The following CTNND2 variants were observed in gnomAD, a reference collection of about 807,000 sequenced individuals.
CTNND2 encodes catenin delta 2, also known as catenin delta-2.
A neutral mutation model predicts 144.4 loss-of-function variants in CTNND2; 22 were observed. The observed-to-expected ratio is 0.15, with a 90% CI of 0.11 to 0.22. The LOEUF (loss-of-function observed/expected upper bound fraction) is 0.22, where lower values mean the gene tolerates loss of function less well. CTNND2 is among the 10% of genes least tolerant of loss of function. CTNND2 has a pLI of 1.00. For missense variants in CTNND2, 1,353 were observed against 1,618.8 expected, an observed-to-expected ratio of 0.84 and a Z score of 2.82; for synonymous variants, 751 against 695.6, an observed-to-expected ratio of 1.08 and a Z score of -1.25.
intron 2 of CTNND2, among the ~76,000 whole-genome samples, chr5:11,625,387 A>G (rs746951673): frequency 1.0e-3 from 116 of 114,050 alleles, no homozygotes; most frequent in Non-Finnish European, 1.2e-3. Context: ...GCAAACAGAA[A>G]AATCTCTCTC....
At chr5:11,714,802 G>A (rs1963389) in intron 2 of CTNND2, among the ~76,000 whole-genome samples, 15,949 of 151,650 alleles carry the variant, frequency 0.11, 978 homozygotes, top group East Asian at 0.2. Flanking sequence ...CCAGCTACTC[G>A]GGAGGCTGAA....
chr5:11,879,624 C>A lies in CTNND2; in HGVS notation c.37+24193G>T, dbSNP rs75319809. ...TTGATAAGCTTTTGACATTCTTTTT[C>A]TCTTATACAAAAATCTCGTTTCTAT... On this transcript the variant is annotated intron_variant, in intron 1 of 21. Transcript: ENST00000304623. Among the ~76,000 whole-genome samples the A allele has an allele frequency of 6.7e-3, 1,013 of 151,946 alleles. 11 individuals carry two copies. The highest frequency in any genetic ancestry group is 0.023 in the African/African-American group (944 of 41,494).
chr5:11,112,702 C>T (rs1419997696), intron 13 of CTNND2, among the ~76,000 whole-genome samples: 7 of 152,180 alleles, frequency 4.6e-5, no homozygotes, highest in African/African-American at 9.7e-5. Flanking sequence ...TGGCACAGTG[C>T]GGAGCTCCAG....
intron 18 of CTNND2, among the ~76,000 whole-genome samples, chr5:11,003,543 GA>G (rs1740177540): frequency 6.6e-6 from 1 of 152,094 alleles, no homozygotes; most frequent in Admixed American, 6.5e-5. Flanking sequence ...CTTATTTCAA[GA>G]AAAGGTATTA....
At chr5:11,680,882 A>G (rs2126627354) in intron 2 of CTNND2, among the ~76,000 whole-genome samples, 1 of 152,294 alleles carries the variant, frequency 6.6e-6, no homozygotes, top group South Asian at 2.1e-4. Flanking sequence ...CCATTAGGTA[A>G]ATAGAGCTCC....
chr5:11,772,756 C>T (rs541644639), intron 1 of CTNND2, among the ~76,000 whole-genome samples: 30 of 152,242 alleles, frequency 2.0e-4, no homozygotes, highest in African/African-American at 6.3e-4. Context: ...GTTAAAGCCA[C>T]GGTGGGGGAG....
intron 10 of CTNND2, among the ~76,000 whole-genome samples, chr5:11,208,880 C>T (rs1738327094): frequency 6.6e-6 from 1 of 152,172 alleles, no homozygotes; most frequent in African/African-American, 2.4e-5. Flanking sequence ...CTTAGCATTG[C>T]TAAATTCTTC....
intron 11 of CTNND2, among the ~76,000 whole-genome samples, chr5:11,198,342 C>A (rs1188513319): frequency 6.6e-6 from 1 of 152,052 alleles, no homozygotes; most frequent in Non-Finnish European, 1.5e-5. Flanking sequence ...AAGAAAAAAA[C>A]CAATTTACAT....
intron 1 of CTNND2, among the ~76,000 whole-genome samples, chr5:11,777,394 A>G (rs1790316636): frequency 6.6e-6 from 1 of 152,348 alleles, no homozygotes; most frequent in South Asian, 2.1e-4. Flanking sequence ...TTAGTATTTC[A>G]TAAGTCAACA....
At position 11,000,293 on chromosome 5, in the gene CTNND2, C is replaced by T. The variant is rs1020143473; in HGVS notation, c.3085-7616G>A. Among the ~76,000 whole-genome samples the T allele has an allele frequency of 9.9e-5, 15 of 152,252 alleles. 1 individual carries two copies. The highest frequency in any genetic ancestry group is 8.5e-4 in the Admixed American group (13 of 15,296). On this transcript the variant is annotated intron_variant, in intron 18 of 21. Coordinates refer to ENST00000304623, the MANE Select transcript of CTNND2 (RefSeq NM_001332.4). ...ATCCCAGCACTTTGGGAGGCCGAGG[C>T]GGGCAGATCATGAGGTCAGGAGTTT...
intron 1 of CTNND2, among the ~76,000 whole-genome samples, chr5:11,768,964 G>C (rs1207041236): frequency 3.3e-5 from 5 of 152,118 alleles, no homozygotes; most frequent in African/African-American, 4.8e-5. Flanking sequence ...TTCTCATTAA[G>C]GGGAAAGAAG....
At chr5:11,630,202 T>A (rs1464169809) in intron 2 of CTNND2, among the ~76,000 whole-genome samples, 1 of 152,206 alleles carries the variant, frequency 6.6e-6, no homozygotes, top group East Asian at 1.9e-4. Context: ...TGTGCTACAC[T>A]TTATTCCTTG....
chr5:11,208,696 G>A (rs1049734213), intron 10 of CTNND2, among the ~76,000 whole-genome samples: 68 of 152,112 alleles, frequency 4.5e-4, no homozygotes, highest in African/African-American at 1.6e-3. Context: ...AAAAGCACTA[G>A]GGGGATCTAC....
At chr5:11,609,528 G>T (rs1475645016) in intron 2 of CTNND2, among the ~76,000 whole-genome samples, 2 of 152,122 alleles carry the variant, frequency 1.3e-5, no homozygotes, top group African/African-American at 4.8e-5. Context: ...CTCTCATGGA[G>T]AGAATGATAT....
At chr5:11,153,801 G>A (rs1056654258) in intron 12 of CTNND2, among the ~76,000 whole-genome samples, 2 of 152,046 alleles carry the variant, frequency 1.3e-5, no homozygotes, top group East Asian at 1.9e-4. Flanking sequence ...ATAAATAAAC[G>A]ACTCAGCGGC....
chr5:11,517,434 A>G (rs540860015), intron 3 of CTNND2, among the ~76,000 whole-genome samples: 2 of 152,348 alleles, frequency 1.3e-5, no homozygotes, highest in East Asian at 1.9e-4. Flanking sequence ...TCTGCTACTT[A>G]AGTAATTTTT....
At chr5:11,742,395 A>G (rs1049429884) in intron 1 of CTNND2, among the ~76,000 whole-genome samples, 2 of 152,084 alleles carry the variant, frequency 1.3e-5, no homozygotes, top group South Asian at 4.1e-4. Flanking sequence ...AACTACCTTG[A>G]CTTCCTGCCC....
At chr5:11,703,848 C>T (rs1785567723) in intron 2 of CTNND2, among the ~76,000 whole-genome samples, 1 of 152,168 alleles carries the variant, frequency 6.6e-6, no homozygotes, top group African/African-American at 2.4e-5. Context: ...ACCCCCGTAT[C>T]TCTGATCAGA....
At chr5:11,669,265 C>G (rs1335583192) in intron 2 of CTNND2, among the ~76,000 whole-genome samples, 2 of 152,032 alleles carry the variant, frequency 1.3e-5, no homozygotes, top group Non-Finnish European at 2.9e-5. Context: ...TATCAGGATG[C>G]TGCTGGCCTA....
Sources: gnomAD v4.1 joint callset for allele counts (sites outside exome capture counted in the v4.1 genomes callset) on GRCh38, gnomAD v4.1.1 for gene constraint, MANE v1.5 for transcripts, NCBI Gene and HGNC (gene_info 2026-07-23, HGNC 2026-07-21) for gene names.